Variants in SNCAIP observed in about 807,000 individuals in gnomAD.
The protein encoded by SNCAIP is synphilin-1.
Under a neutral mutation model 86.7 loss-of-function variants are expected in SNCAIP, and 43 were observed. The observed-to-expected ratio is 0.50, with a 90% CI of 0.39 to 0.64. The LOEUF is 0.64. Ranked by LOEUF, SNCAIP falls within the 30% of genes least tolerant of loss-of-function variation. SNCAIP has a pLI of 0.00. For synonymous variants in SNCAIP, 417 were observed against 427.2 expected (o/e 0.98, Z 0.29); for missense variants, 981 against 1,103.1 (o/e 0.89, Z 1.57).
chr5:122,312,316 G>C (rs371598309), intron 1 of SNCAIP, 32 bp downstream of exon 1: 1 of 152,424 alleles, frequency 6.6e-6, no homozygotes, highest in African/African-American at 2.4e-5. Context: ...ACGCCGCGGG[G>C]AGGCGGGAGG....
At chr5:122,359,904 T>C (rs1198144175) in intron 1 of SNCAIP, among the ~76,000 whole-genome samples, 1 of 152,206 alleles carries the variant, frequency 6.6e-6, no homozygotes, top group Non-Finnish European at 1.5e-5. Flanking sequence ...AATCTTGTTC[T>C]TTAACATGTA....
intron 7 of SNCAIP, 24 bp from the exon 8 acceptor site, chr5:122,444,539 C>G: frequency 6.2e-7 from 1 of 1,606,930 alleles, no homozygotes; most frequent in Non-Finnish European, 8.5e-7. Flanking sequence ...TGTCCTGATA[C>G]ACATGTCCTT....
At chr5:122,408,490 C>T (rs974653889) in intron 3 of SNCAIP, among the ~76,000 whole-genome samples, 4 of 152,334 alleles carry the variant, frequency 2.6e-5, no homozygotes, top group Admixed American at 6.5e-5. Context: ...TCCACTGGCT[C>T]ACCAATGCCC....
intron 8 of SNCAIP, among the ~76,000 whole-genome samples, chr5:122,445,589 G>A (rs1040650805): frequency 6.6e-6 from 1 of 151,388 alleles, no homozygotes; most frequent in Non-Finnish European, 1.5e-5. Context: ...GACAGATTAG[G>A]AGGGTAAATC....
intron 8 of SNCAIP, among the ~76,000 whole-genome samples, chr5:122,447,291 C>T (rs1299882608): frequency 6.6e-6 from 1 of 151,002 alleles, no homozygotes; most frequent in South Asian, 2.1e-4. Context: ...CGATAATAAA[C>T]TTCTATTGTC....
At chr5:122,418,740 G>A (rs1349188156) in intron 3 of SNCAIP, among the ~76,000 whole-genome samples, 3 of 152,206 alleles carry the variant, frequency 2.0e-5, no homozygotes, top group Non-Finnish European at 4.4e-5. Context: ...GGGGTATTTA[G>A]CATGGTTCCT....
At chr5:122,389,149 G>A (rs1261486655) in intron 1 of SNCAIP, 1 of 152,154 alleles carries the variant, frequency 6.6e-6, no homozygotes, top group Non-Finnish European at 1.5e-5. Flanking sequence ...CCTCAAACAG[G>A]GGTGCAATGG....
At chr5:122,439,929 C>T (rs1316953792) in intron 6 of SNCAIP, among the ~76,000 whole-genome samples, 1 of 152,190 alleles carries the variant, frequency 6.6e-6, no homozygotes, top group Non-Finnish European at 1.5e-5. Context: ...ACTGTGACTG[C>T]TCTATGTCTT....
intron 2 of SNCAIP, among the ~76,000 whole-genome samples, chr5:122,396,845 A>G (rs1477600747): frequency 6.6e-6 from 1 of 152,188 alleles, no homozygotes; most frequent in African/African-American, 2.4e-5. Context: ...AACAAGGTTT[A>G]TGACTGGCCA....
chr5:122,370,721 A>G (rs1222250039), intron 1 of SNCAIP, among the ~76,000 whole-genome samples: 1 of 152,144 alleles, frequency 6.6e-6, no homozygotes, highest in Admixed American at 6.6e-5. Flanking sequence ...AAAATGGCAC[A>G]TATTTTTTGT....
At chr5:122,392,635 A>G (rs947655973) in intron 2 of SNCAIP, among the ~76,000 whole-genome samples, 2 of 152,150 alleles carry the variant, frequency 1.3e-5, no homozygotes, top group African/African-American at 4.8e-5. Flanking sequence ...TTTGATAATG[A>G]TGTTGTGTTT....
At chr5:122,436,614 C>T (rs950666015) in intron 6 of SNCAIP, 2 of 152,002 alleles carry the variant, frequency 1.3e-5, no homozygotes, top group African/African-American at 4.8e-5. Context: ...TTTTACATCT[C>T]AAAAACTGGA....
chr5:122,417,055 C>T (rs1406181313), intron 3 of SNCAIP, among the ~76,000 whole-genome samples: 1 of 152,174 alleles, frequency 6.6e-6, no homozygotes, highest in Non-Finnish European at 1.5e-5. Context: ...CTTGATGTCT[C>T]AAGCTAATTT....
At chr5:122,355,006 T>C (rs1020943012) in intron 1 of SNCAIP, among the ~76,000 whole-genome samples, 1 of 152,182 alleles carries the variant, frequency 6.6e-6, no homozygotes, top group Non-Finnish European at 1.5e-5. Flanking sequence ...CAAAAGAATG[T>C]TTAGGTTTTG....
In SNCAIP at chr5:122,391,195, A is replaced by C; in HGVS notation, c.57+4A>C. The C allele has an allele frequency of 1.3e-6, 2 of 1,589,126 alleles. No individual in the cohort carries two copies. The highest frequency in any genetic ancestry group is 1.7e-6 in the Non-Finnish European group (2 of 1,157,334). The stretch of plus-strand genomic sequence containing the variant: ...TGACTTTAGTGATGACATATCTGTA[A>C]GTACCACTGTATACAAGAAATGCTT... On this transcript the variant is annotated splice_donor_region_variant and intron_variant, in intron 2 of 10. Coordinates refer to ENST00000261368, the MANE Select transcript of SNCAIP (RefSeq NM_005460.4).
rs17370191 is a variant in SNCAIP at position 122,425,390 on chromosome 5, C to T, written c.1041C>T (p.Asp347=). The change falls in exon 5 of 11, where the codon GAC becomes GAT. Residue 347 remains aspartate, a synonymous_variant. Coordinates refer to ENST00000261368, the MANE Select transcript of SNCAIP (RefSeq NM_005460.4). ...CAGACAATCTAGACAAAATTCACGA[C>T]GAAAATGGAAACAATCTATTACATA... The part of the protein sequence containing the change: ...LAADNLDKIH[D]ENGNNLLHIA... 17 of 1,613,854 alleles carry T rather than the reference C, an allele frequency of 1.1e-5. No individual in the cohort carries two copies. Among genetic ancestry groups the T allele is most frequent in the South Asian group, 2.2e-5 (2 of 91,078 alleles).
chr5:122,443,635 G>C (rs540534877), intron 7 of SNCAIP: 62 of 456,798 alleles, frequency 1.4e-4, no homozygotes, highest in Non-Finnish European at 2.4e-4. Flanking sequence ...CACCACTTTA[G>C]CTCCTATCCC....
chr5:122,368,538 C>G (rs1221089963), intron 1 of SNCAIP, among the ~76,000 whole-genome samples: 1 of 152,182 alleles, frequency 6.6e-6, no homozygotes, highest in Admixed American at 6.5e-5. Flanking sequence ...CCAGCTGGAA[C>G]TAACTGAGCA....
chr5:122,357,460 T>G (rs1761255317), intron 1 of SNCAIP, among the ~76,000 whole-genome samples: 1 of 152,008 alleles, frequency 6.6e-6, no homozygotes, highest in South Asian at 2.1e-4. Flanking sequence ...GGTCTTGATA[T>G]CTTGACCTCG....
Sources: gnomAD v4.1 joint callset for allele counts (sites outside exome capture counted in the v4.1 genomes callset) on GRCh38, gnomAD v4.1.1 for gene constraint, MANE v1.5 for transcripts, NCBI Gene and HGNC (gene_info 2026-07-23, HGNC 2026-07-21) for gene names.